SEMA3E: variants seen among roughly 807,000 people sequenced by gnomAD.
SEMA3E encodes the protein semaphorin-3E.
Under a neutral mutation model 93.6 loss-of-function variants are expected in SEMA3E, and 49 were observed. That is an observed-to-expected ratio of 0.52 (90% confidence interval 0.42 to 0.66). The LOEUF is 0.66. Ranked by LOEUF, SEMA3E falls within the 30% of genes least tolerant of loss-of-function variation. The probability of loss-of-function intolerance (pLI) is 0.00; values close to 1 mark genes in which losing one functional copy is unlikely to be tolerated. For synonymous variants in SEMA3E, 363 were observed against 330.7 expected (o/e 1.10, Z -1.06); for missense variants, 906 against 964.8 (o/e 0.94, Z 0.81).
intron 2 of SEMA3E, among the ~76,000 whole-genome samples, chr7:83,471,573 A>T (rs1389174462): frequency 6.6e-6 from 1 of 151,956 alleles, no homozygotes; most frequent in African/African-American, 2.4e-5. Context: ...TGTAGCACTG[A>T]CCTCATGTAC....
intron 1 of SEMA3E, among the ~76,000 whole-genome samples, chr7:83,498,899 A>G (rs1778716185): frequency 6.6e-6 from 1 of 152,158 alleles, no homozygotes; most frequent in African/African-American, 2.4e-5. Flanking sequence ...CTTTGCCCTC[A>G]ATGGATTAAT....
At chr7:83,537,506 A>C (rs1012599046) in intron 1 of SEMA3E, among the ~76,000 whole-genome samples, 2 of 152,124 alleles carry the variant, frequency 1.3e-5, no homozygotes, top group African/African-American at 4.8e-5. Context: ...GAAATCAGGC[A>C]TGCTTTTATA....
intron 1 of SEMA3E, among the ~76,000 whole-genome samples, chr7:83,509,112 G>A (rs887173481): frequency 1.3e-5 from 2 of 152,094 alleles, no homozygotes; most frequent in African/African-American, 4.8e-5. Flanking sequence ...ACTTTCAAGA[G>A]ACTCTATTAA....
chr7:83,613,802 C>T (rs962498930), intron 1 of SEMA3E, among the ~76,000 whole-genome samples: 7 of 151,962 alleles, frequency 4.6e-5, no homozygotes, highest in East Asian at 3.9e-4. Context: ...ACTGAAACTA[C>T]ATATTTCGTC....
Position 83,407,130 on chromosome 7 carries a change from G to T in SEMA3E, c.780C>A (p.His260Gln), listed in dbSNP as rs533306215. The T allele has an allele frequency of 1.9e-6, 3 of 1,613,404 alleles. No homozygotes were observed. Among genetic ancestry groups the T allele is most frequent in the Non-Finnish European group, 2.5e-6 (3 of 1,179,754 alleles). Residue 260 changes from histidine to glutamine, a missense_variant, in exon 7 of 17, where the codon CAC becomes CAA. Coordinates refer to ENST00000643230, the MANE Select transcript of SEMA3E (RefSeq NM_012431.3). Reference sequence around the variant, plus strand: ...GTCGCCCGACCCTGGTGTAAATTGCGTGAGCATTGTTTTCTGCCTCCAGTG... The same window carrying T: ...GTCGCCCGACCCTGGTGTAAATTGCTTGAGCATTGTTTTCTGCCTCCAGTG... Reference protein sequence around the residue: ...EKALEAENNAHAIYTRVGRLC... With the variant: ...EKALEAENNAQAIYTRVGRLC...
chr7:83,607,713 A>T (rs2115568659), intron 1 of SEMA3E, among the ~76,000 whole-genome samples: 1 of 152,302 alleles, frequency 6.6e-6, no homozygotes, highest in South Asian at 2.1e-4. Context: ...AGTAAGGTTT[A>T]GAAGAGAAGG....
chr7:83,492,137 A>G (rs1790397915), intron 1 of SEMA3E, among the ~76,000 whole-genome samples: 1 of 152,040 alleles, frequency 6.6e-6, no homozygotes, highest in African/African-American at 2.4e-5. Context: ...AAGGATGGTT[A>G]CGCACTAGCT....
chr7:83,529,012 G>C (rs867736351), intron 1 of SEMA3E, among the ~76,000 whole-genome samples: 3 of 152,084 alleles, frequency 2.0e-5, no homozygotes, highest in Non-Finnish European at 4.4e-5. Context: ...GAGCTTAAAA[G>C]AGTATTCAAG....
intron 2 of SEMA3E, 96 bp from the exon 3 acceptor site, chr7:83,469,398 CTTTT>C (rs10650403): frequency 4.2e-3 from 2,496 of 594,768 alleles, no homozygotes; most frequent in South Asian, 6.9e-3. Flanking sequence ...AAAACATTTC[CTTTT>C]TTTTTTTTTT....
chr7:83,438,744 TA>T (rs1789052895), intron 4 of SEMA3E, among the ~76,000 whole-genome samples: 1 of 151,954 alleles, frequency 6.6e-6, no homozygotes, highest in Non-Finnish European at 1.5e-5. Context: ...TAATTATATA[TA>T]ATAAAAGTAG....
intron 1 of SEMA3E, among the ~76,000 whole-genome samples, chr7:83,622,962 C>T (rs189148030): frequency 1.0e-3 from 154 of 151,948 alleles, no homozygotes; most frequent in African/African-American, 3.3e-3. Flanking sequence ...CTGCACATCC[C>T]GCACATGTAC....
intron 4 of SEMA3E, among the ~76,000 whole-genome samples, chr7:83,422,927 T>C (rs144387709): frequency 6.4e-4 from 98 of 152,294 alleles, no homozygotes; most frequent in African/African-American, 2.3e-3. Flanking sequence ...TAAAATGCAG[T>C]CACAATTTCA....
intron 1 of SEMA3E, among the ~76,000 whole-genome samples, chr7:83,642,469 T>G (rs1794026286): frequency 6.6e-6 from 1 of 152,100 alleles, no homozygotes; most frequent in Non-Finnish European, 1.5e-5. Flanking sequence ...ACTGCAACAC[T>G]TGGTGTAAAT....
chr7:83,399,700 G>C (rs1410626942), intron 11 of SEMA3E, among the ~76,000 whole-genome samples: 1 of 152,112 alleles, frequency 6.6e-6, no homozygotes, highest in Non-Finnish European at 1.5e-5. Context: ...TATTGATCAT[G>C]TATAAGGAAT....
intron 4 of SEMA3E, among the ~76,000 whole-genome samples, chr7:83,436,413 A>G (rs1789006726): frequency 6.6e-6 from 1 of 151,594 alleles, no homozygotes; most frequent in African/African-American, 2.4e-5. Context: ...CAGATAAGAA[A>G]GATGAAGTTT....
At chr7:83,599,702 G>A (rs1189110838) in intron 1 of SEMA3E, among the ~76,000 whole-genome samples, 1 of 152,020 alleles carries the variant, frequency 6.6e-6, no homozygotes, top group African/African-American at 2.4e-5. Flanking sequence ...CTACAGAATG[G>A]TATGAGCAGA....
chr7:83,607,685 G>A (rs1793155597), intron 1 of SEMA3E, among the ~76,000 whole-genome samples: 1 of 152,136 alleles, frequency 6.6e-6, no homozygotes, highest in Admixed American at 6.6e-5. Flanking sequence ...TAAATGTGGA[G>A]CTGAAGTGTA....
At chr7:83,437,930 A>C (rs1302707965) in intron 4 of SEMA3E, among the ~76,000 whole-genome samples, 1 of 152,194 alleles carries the variant, frequency 6.6e-6, no homozygotes, top group Non-Finnish European at 1.5e-5. Context: ...TAAGGATAAT[A>C]ACTGCAACAG....
At chr7:83,587,599 C>T (rs1792658474) in intron 1 of SEMA3E, among the ~76,000 whole-genome samples, 1 of 151,752 alleles carries the variant, frequency 6.6e-6, no homozygotes. Flanking sequence ...GTAATCTCAG[C>T]ACTTAGAAAA....
Sources: gnomAD v4.1 joint callset for allele counts (sites outside exome capture counted in the v4.1 genomes callset) on GRCh38, gnomAD v4.1.1 for gene constraint, MANE v1.5 for transcripts, NCBI Gene and HGNC (gene_info 2026-07-23, HGNC 2026-07-21) for gene names.